The following MYOF variants were observed in gnomAD, a reference collection of about 807,000 sequenced individuals.
MYOF encodes the protein myoferlin, also known as fer-1-like 3, myoferlin.
A neutral mutation model predicts 284.2 loss-of-function variants in MYOF; 244 were observed. The ratio of observed to expected loss-of-function variants is 0.86; its 90% CI spans 0.77 to 0.95. The LOEUF is 0.95. MYOF is among the 40% of genes least tolerant of loss of function. MYOF has a pLI of 0.00. For missense variants in MYOF, 2,496 were observed against 2,560.6 expected, an observed-to-expected ratio of 0.97 and a Z score of 0.54; for synonymous variants, 904 against 919.7, an observed-to-expected ratio of 0.98 and a Z score of 0.31.
intron 38 of MYOF, among the ~76,000 whole-genome samples, chr10:93,342,420 T>C (rs181554933): frequency 1.3e-5 from 2 of 152,342 alleles, no homozygotes; most frequent in East Asian, 3.9e-4. Flanking sequence ...TCAACCAGCC[T>C]TTCTTATCAA....
chr10:93,409,474 T>C, intron 6 of MYOF, 99 bp downstream of exon 6: 1 of 1,349,624 alleles, frequency 7.4e-7, no homozygotes. Context: ...GGTTGAGCCA[T>C]TGTCCATTGG....
intron 1 of MYOF, among the ~76,000 whole-genome samples, chr10:93,459,794 A>G (rs1353385783): frequency 6.6e-6 from 1 of 152,202 alleles, no homozygotes; most frequent in Non-Finnish European, 1.5e-5. Flanking sequence ...GAAAGAGCTC[A>G]TTGTTCTCAT....
intron 1 of MYOF, among the ~76,000 whole-genome samples, chr10:93,481,436 C>T (rs11187455): frequency 0.18 from 26,738 of 151,898 alleles, 2,699 homozygotes; most frequent in East Asian, 0.52. Context: ...AATTGAGATC[C>T]CAGAGAAATG....
At chr10:93,338,782 T>C (rs1267540562) in intron 39 of MYOF, among the ~76,000 whole-genome samples, 1 of 152,064 alleles carries the variant, frequency 6.6e-6, no homozygotes, top group Non-Finnish European at 1.5e-5. Context: ...TAGTCCTTGG[T>C]TGGGCAGAAG....
At position 93,341,836 on chromosome 10, in the gene MYOF, T is replaced by C. The variant is rs530327287; in HGVS notation, c.4327-1672A>G. 25 of 973,548 alleles carry C rather than the reference T, an allele frequency of 2.6e-5. 1 individual carries two copies. In the South Asian group the frequency reaches 3.0e-4, roughly 12 times the overall value. The allele number at this position is 973,548 out of a possible 1,614,324, so 60.3% of individuals were successfully genotyped here. On this transcript the variant is annotated intron_variant, in intron 38 of 53. Coordinates refer to ENST00000359263, the MANE Select transcript of MYOF (RefSeq NM_013451.4). ...CTCCAAAATCTACTAATGGAAAGAG[T>C]TGTAAGAATAATTCAAGTCTTTAGG... is the stretch of plus-strand genomic sequence containing the variant.
Position 93,363,979 on chromosome 10 carries a change from C to T in MYOF, c.2850G>A (p.Glu950=), listed in dbSNP as rs1324332203. ...RYPGGDWKPA[E]DTYTDANGDK... ...CACTCACCGCATCCGTGTAGGTGTC[C>T]TCGGCCGGCTTCCAGTCGCCCCCGG... Residue 950 remains glutamate, a synonymous_variant, in exon 27 of 54, where the codon GAG becomes GAA. Coordinates refer to ENST00000359263, the MANE Select transcript of MYOF (RefSeq NM_013451.4). 2.5e-6 allele frequency: 4 copies of T among 1,613,974 alleles called. No homozygotes were observed. Among genetic ancestry groups the T allele is most frequent in the East Asian group, 2.2e-5 (1 of 44,864 alleles).
intron 17 of MYOF, 85 bp from the exon 18 acceptor site, chr10:93,389,239 A>G (rs1003164058): frequency 2.3e-5 from 33 of 1,427,666 alleles, no homozygotes; most frequent in Admixed American, 1.9e-4. Flanking sequence ...TAGTTAGGTG[A>G]GACTATTTTC....
chr10:93,316,168 T>C (rs1842603127), intron 50 of MYOF, among the ~76,000 whole-genome samples: 1 of 151,862 alleles, frequency 6.6e-6, no homozygotes, highest in African/African-American at 2.4e-5. Context: ...GAAACAGAGC[T>C]GGCTAATGTG....
At chr10:93,369,998 T>C (rs1845511847) in intron 24 of MYOF, among the ~76,000 whole-genome samples, 1 of 152,234 alleles carries the variant, frequency 6.6e-6, no homozygotes, top group Admixed American at 6.5e-5. Flanking sequence ...TGCCTGTCCC[T>C]GAGACCTTTT....
chr10:93,452,876 A>G (rs948628600), intron 2 of MYOF, among the ~76,000 whole-genome samples: 2 of 152,134 alleles, frequency 1.3e-5, no homozygotes, highest in Non-Finnish European at 2.9e-5. Flanking sequence ...TTTAAGTTCC[A>G]CCATGGTCGG....
At chr10:93,379,360 T>C (rs567225536) in intron 21 of MYOF, among the ~76,000 whole-genome samples, 1 of 152,288 alleles carries the variant, frequency 6.6e-6, no homozygotes, top group South Asian at 2.1e-4. Flanking sequence ...TCCTACCTTT[T>C]TAATCCTCCC....
intron 21 of MYOF, among the ~76,000 whole-genome samples, chr10:93,378,691 G>GTATATATATATATATATATATATA (rs1375868034): frequency 4.7e-5 from 2 of 42,254 alleles, no homozygotes; most frequent in African/African-American, 1.9e-4. Flanking sequence ...ATGTGTGTGT[G>GTATATATATATATATATATATATA]TGTATATATA....
chr10:93,445,137 G>A (rs1231660461), intron 3 of MYOF, among the ~76,000 whole-genome samples: 3 of 152,194 alleles, frequency 2.0e-5, no homozygotes. Context: ...TATTTCAGCA[G>A]AGATAATTGA....
intron 3 of MYOF, among the ~76,000 whole-genome samples, chr10:93,437,143 T>G (rs1849162099): frequency 6.6e-6 from 1 of 152,180 alleles, no homozygotes. Flanking sequence ...ACATCAAATA[T>G]TACACAATGG....
chr10:93,350,064 T>C, intron 35 of MYOF, 95 bp from the exon 36 acceptor site: 1 of 1,238,268 alleles, frequency 8.1e-7, no homozygotes, highest in Non-Finnish European at 1.1e-6. Flanking sequence ...GGCAAAGTCT[T>C]TAAGATTAAT....
intron 3 of MYOF, among the ~76,000 whole-genome samples, chr10:93,433,451 G>T (rs1426464892): frequency 6.6e-6 from 1 of 151,622 alleles, no homozygotes; most frequent in Admixed American, 6.6e-5. Context: ...GAGCCGCCGC[G>T]CCTGGCCCAA....
At chr10:93,481,676 T>C (rs2057383757) in intron 1 of MYOF, among the ~76,000 whole-genome samples, 1 of 152,174 alleles carries the variant, frequency 6.6e-6, no homozygotes, top group Admixed American at 6.5e-5. Flanking sequence ...CCAGTGACAA[T>C]CAAAGCAGCG....
intron 7 of MYOF, among the ~76,000 whole-genome samples, chr10:93,408,292 G>C (rs1299901498): frequency 3.9e-5 from 6 of 152,166 alleles, no homozygotes; most frequent in Non-Finnish European, 8.8e-5. Context: ...GCTCATGCCT[G>C]TAATCCCAGC....
At chr10:93,323,991 G>T (rs1842941915) in intron 46 of MYOF, among the ~76,000 whole-genome samples, 1 of 152,230 alleles carries the variant, frequency 6.6e-6, no homozygotes, top group South Asian at 2.1e-4. Context: ...AAAAGGTAAG[G>T]ATTCCTGGCC....
Sources: gnomAD v4.1 joint callset for allele counts (sites outside exome capture counted in the v4.1 genomes callset) on GRCh38, gnomAD v4.1.1 for gene constraint, MANE v1.5 for transcripts, NCBI Gene and HGNC (gene_info 2026-07-23, HGNC 2026-07-21) for gene names.